Variants in C1QTNF3 observed in about 807,000 individuals in gnomAD.
C1QTNF3 encodes C1q and TNF related 3.
Under a neutral mutation model 32.6 loss-of-function variants are expected in C1QTNF3, and 26 were observed. That is an observed-to-expected ratio of 0.80 (90% CI 0.58 to 1.11). The LOEUF is 1.11. C1QTNF3 is among the 50% of genes least tolerant of loss of function. The pLI is 0.00. For missense variants in C1QTNF3, 362 were observed against 398.2 expected (o/e 0.91, Z 0.77); for synonymous variants, 155 against 146.0 (o/e 1.06, Z -0.44).
chr5:34,118,632 T>C, the C1QTNF3 span, among the ~76,000 whole-genome samples: 9 of 152,054 alleles, frequency 5.9e-5, no homozygotes, highest in African/African-American at 2.2e-4. Context: ...CATGTATTTT[T>C]TTCTAGTTGG....
At chr5:34,026,456 C>CAAAA (rs11335593) in intron 4 of C1QTNF3, among the ~76,000 whole-genome samples, 43 of 92,680 alleles carry the variant, frequency 4.6e-4, no homozygotes, top group Admixed American at 6.6e-4. Context: ...AATCTGCCAG[C>CAAAA]AAAAAAAAAA....
chr5:34,227,383 C>G, the C1QTNF3 span, among the ~76,000 whole-genome samples: 1 of 151,860 alleles, frequency 6.6e-6, no homozygotes, highest in Non-Finnish European at 1.5e-5. Flanking sequence ...TGTGTGCCTA[C>G]GTCTTGATAA....
chr5:34,205,440 T>C, the C1QTNF3 span, among the ~76,000 whole-genome samples: 1 of 152,290 alleles, frequency 6.6e-6, no homozygotes, highest in Admixed American at 6.5e-5. Flanking sequence ...TGGGGGCAGA[T>C]TTCCTCCTTG....
the C1QTNF3 span, among the ~76,000 whole-genome samples, chr5:34,090,120 G>A: frequency 6.6e-6 from 1 of 151,850 alleles, no homozygotes. Context: ...GACTGTACTT[G>A]TAAAAATTGC....
chr5:34,073,510 G>A, the C1QTNF3 span, among the ~76,000 whole-genome samples: 1 of 151,982 alleles, frequency 6.6e-6, no homozygotes, highest in Non-Finnish European at 1.5e-5. Flanking sequence ...TATATAAAAC[G>A]GACAAAGAAA....
chr5:34,159,307 A>G, the C1QTNF3 span, among the ~76,000 whole-genome samples: 2 of 152,110 alleles, frequency 1.3e-5, no homozygotes, highest in Admixed American at 1.3e-4. Flanking sequence ...TTCCAGAGGA[A>G]TGAGAGATGT....
the C1QTNF3 span, among the ~76,000 whole-genome samples, chr5:34,189,049 T>A: frequency 6.7e-6 from 1 of 148,766 alleles, no homozygotes; most frequent in East Asian, 1.9e-4. Context: ...ACATGCTCTC[T>A]CCTGCCCACC....
the C1QTNF3 span, among the ~76,000 whole-genome samples, chr5:34,132,574 C>T: frequency 1.3e-5 from 2 of 151,694 alleles, no homozygotes; most frequent in Non-Finnish European, 2.9e-5. Context: ...ATGTTTGGGA[C>T]ATAAATGCCT....
At chr5:34,134,349 C>G in the C1QTNF3 span, among the ~76,000 whole-genome samples, 1 of 145,878 alleles carries the variant, frequency 6.9e-6, no homozygotes, top group Non-Finnish European at 1.5e-5. Flanking sequence ...CCAGAAAAAT[C>G]TCTTTTCAAG....
At chr5:34,216,989 A>T in the C1QTNF3 span, among the ~76,000 whole-genome samples, 1 of 152,194 alleles carries the variant, frequency 6.6e-6, no homozygotes, top group Non-Finnish European at 1.5e-5. Context: ...TTTTATAATT[A>T]ACAGAAAAAT....
chr5:34,236,132 T>C, the C1QTNF3 span, among the ~76,000 whole-genome samples: 1 of 152,228 alleles, frequency 6.6e-6, no homozygotes, highest in African/African-American at 2.4e-5. Flanking sequence ...TCTACTAATT[T>C]TCCACTATTT....
chr5:34,167,521 G>C, the C1QTNF3 span: 1 of 152,178 alleles, frequency 6.6e-6, no homozygotes, highest in African/African-American at 2.4e-5. Context: ...TAACAGCTCT[G>C]ATTAGTCCAC....
At chr5:34,034,440 T>C (rs1027638592) in intron 2 of C1QTNF3, among the ~76,000 whole-genome samples, 1 of 152,234 alleles carries the variant, frequency 6.6e-6, no homozygotes, top group African/African-American at 2.4e-5. Flanking sequence ...AGCAATGATT[T>C]TGAAAGCAAG....
At chr5:34,158,675 G>A in the C1QTNF3 span, 1 of 151,696 alleles carries the variant, frequency 6.6e-6, no homozygotes, top group Non-Finnish European at 1.5e-5. Context: ...TTTCATATGT[G>A]GAAATTCATA....
chr5:34,020,230 C>A lies in C1QTNF3; in HGVS notation c.*353G>T. 5.4e-6 allele frequency: 1 copy of A among 185,332 alleles called. No homozygotes were observed. Among genetic ancestry groups the A allele is most frequent in the South Asian group, 1.2e-4 (1 of 8,394 alleles). The allele number at this position is 185,332 out of a possible 1,614,324, so 11.5% of individuals were successfully genotyped here. A position where few individuals can be genotyped will look rare whatever the true frequency, so the allele number is the denominator to read the frequency against. ...TTAAAACTTCAGGGGTTCCTGAAAACTGGTATTAAATTAAAAGCAGAGTAG... is the reference window on the plus strand; with the variant it reads ...TTAAAACTTCAGGGGTTCCTGAAAAATGGTATTAAATTAAAAGCAGAGTAG... On this transcript the variant is annotated 3_prime_UTR_variant, in exon 6 of 6. Transcript: ENST00000382065.
At chr5:34,223,163 TC>T in the C1QTNF3 span, among the ~76,000 whole-genome samples, 1 of 92,530 alleles carries the variant, frequency 1.1e-5, no homozygotes, top group Non-Finnish European at 2.1e-5. Flanking sequence ...ATGCTATCCC[TC>T]CCCCCTCCCC....
At chr5:34,080,960 G>A in the C1QTNF3 span, among the ~76,000 whole-genome samples, 746 of 151,640 alleles carry the variant, frequency 4.9e-3, 22 homozygotes, top group Middle Eastern at 0.02. Flanking sequence ...TGGTCAATAC[G>A]CTGAGTGAAT....
the C1QTNF3 span, chr5:34,219,821 A>G: frequency 6.6e-6 from 1 of 152,142 alleles, no homozygotes; most frequent in Non-Finnish European, 1.5e-5. Flanking sequence ...CATTCAACAA[A>G]TAATTTTTAA....
the C1QTNF3 span, among the ~76,000 whole-genome samples, chr5:34,119,495 T>C: frequency 1.3e-5 from 2 of 152,278 alleles, no homozygotes; most frequent in African/African-American, 4.8e-5. Flanking sequence ...AACTGTATTG[T>C]TTTCTATTGC....
Sources: gnomAD v4.1 joint callset for allele counts (sites outside exome capture counted in the v4.1 genomes callset) on GRCh38, gnomAD v4.1.1 for gene constraint, MANE v1.5 for transcripts, NCBI Gene and HGNC (gene_info 2026-07-23, HGNC 2026-07-21) for gene names.